The following GABRB1 variants were observed in gnomAD, a reference collection of about 807,000 sequenced individuals.
GABRB1 encodes the protein gamma-aminobutyric acid receptor subunit beta-1.
A neutral mutation model predicts 51.6 loss-of-function variants in GABRB1; 17 were observed. That is an observed-to-expected ratio of 0.33 (90% CI 0.23 to 0.49). The LOEUF (loss-of-function observed/expected upper bound fraction) is 0.49. GABRB1 is among the 20% of genes least tolerant of loss of function. The pLI is 0.99. For synonymous variants in GABRB1, 247 were observed against 218.9 expected, an observed-to-expected ratio of 1.13 and a Z score of -1.14; for missense variants, 410 against 600.6, an observed-to-expected ratio of 0.68 and a Z score of 3.32.
intron 4 of GABRB1, among the ~76,000 whole-genome samples, chr4:47,272,669 T>G (rs979472259): frequency 5.3e-5 from 8 of 152,180 alleles, no homozygotes; most frequent in Admixed American, 3.9e-4. Flanking sequence ...CTCTTATGTT[T>G]TAAGCATGTA....
In GABRB1 at chr4:47,403,385, T is replaced by C; in HGVS notation, c.612T>C (p.Asn204=). The C allele has an allele frequency of 1.2e-6, 2 of 1,614,060 alleles. No homozygotes were observed. The highest frequency in any genetic ancestry group is 1.7e-6 in the Non-Finnish European group (2 of 1,179,926). The change falls in exon 6 of 9, where the codon AAT becomes AAC. Residue 204 remains asparagine, a synonymous_variant. Coordinates refer to ENST00000295454, the MANE Select transcript of GABRB1 (RefSeq NM_000812.4). The part of the protein sequence containing the change: ...NGGEGAVTGV[N]KIELPQFSIV... ...GAGAAGGGGCAGTCACTGGTGTTAA[T>C]AAAATCGAACTTCCTCAATTTTCAA...
chr4:47,004,055 T>A (rs1003113348), intron 1 of GABRB1, among the ~76,000 whole-genome samples: 1 of 152,218 alleles, frequency 6.6e-6, no homozygotes, highest in South Asian at 2.1e-4. Flanking sequence ...AGTGGTGCCA[T>A]CTCGGCTCAT....
At chr4:47,193,286 C>T (rs769710594) in intron 4 of GABRB1, among the ~76,000 whole-genome samples, 2 of 152,154 alleles carry the variant, frequency 1.3e-5, no homozygotes, top group African/African-American at 4.8e-5. Flanking sequence ...CCACACCCAG[C>T]TAATTTTGCA....
intron 3 of GABRB1, among the ~76,000 whole-genome samples, chr4:47,136,966 C>T (rs979395560): frequency 6.6e-6 from 1 of 151,940 alleles, no homozygotes; most frequent in Non-Finnish European, 1.5e-5. Flanking sequence ...CAAGCACCTG[C>T]AAAGAAGTAA....
intron 3 of GABRB1, among the ~76,000 whole-genome samples, chr4:47,041,803 T>G (rs1372478181): frequency 6.6e-6 from 1 of 152,124 alleles, no homozygotes; most frequent in African/African-American, 2.4e-5. Flanking sequence ...GAATCCCACC[T>G]GTGTCTAGAA....
At chr4:47,248,600 G>A (rs932000500) in intron 4 of GABRB1, among the ~76,000 whole-genome samples, 2 of 151,968 alleles carry the variant, frequency 1.3e-5, no homozygotes, top group Non-Finnish European at 2.9e-5. Flanking sequence ...TTCTTTGAAT[G>A]TCTAGTAGAA....
At chr4:47,307,314 G>A (rs952293755) in intron 4 of GABRB1, among the ~76,000 whole-genome samples, 2 of 151,892 alleles carry the variant, frequency 1.3e-5, no homozygotes, top group Non-Finnish European at 2.9e-5. Flanking sequence ...ATTTTGTTTT[G>A]TAGCTTTTAA....
At chr4:47,022,772 C>T (rs1257440880) in intron 1 of GABRB1, among the ~76,000 whole-genome samples, 2 of 151,936 alleles carry the variant, frequency 1.3e-5, no homozygotes, top group African/African-American at 4.8e-5. Flanking sequence ...GAGCTCAATT[C>T]CTCAAACTAA....
chr4:47,237,714 G>T (rs1434176492), intron 4 of GABRB1, among the ~76,000 whole-genome samples: 2 of 151,946 alleles, frequency 1.3e-5, no homozygotes, highest in Admixed American at 1.3e-4. Flanking sequence ...AAAGAAGATA[G>T]ATAGATGATA....
intron 3 of GABRB1, among the ~76,000 whole-genome samples, chr4:47,049,054 A>C (rs1043316940): frequency 1.2e-4 from 12 of 101,204 alleles, no homozygotes; most frequent in African/African-American, 3.1e-4. Flanking sequence ...TCTTTTCATG[A>C]TGAGAAGAGA....
rs114753548 is a variant in GABRB1 at position 47,228,437 on chromosome 4, T to G, written c.461+66968T>G. ...CCTCCAGAATTGAAAGAAAAAAAAATGCTTACCAGGTACTTTCTTCTGTTT... is the reference window on the plus strand; with the variant it reads ...CCTCCAGAATTGAAAGAAAAAAAAAGGCTTACCAGGTACTTTCTTCTGTTT... On this transcript the variant is annotated intron_variant, in intron 4 of 8. Transcript: ENST00000295454. 5.9e-3 allele frequency among the ~76,000 whole-genome samples: 895 copies of G among 151,988 alleles called. 8 individuals carry two copies. The highest frequency in any genetic ancestry group is 8.7e-3 in the Non-Finnish European group (589 of 67,934).
chr4:47,279,263 C>G (rs1723192008), intron 4 of GABRB1, among the ~76,000 whole-genome samples: 2 of 152,070 alleles, frequency 1.3e-5, no homozygotes, highest in African/African-American at 4.8e-5. Flanking sequence ...AATAAACAAA[C>G]AAACAAAATC....
intron 4 of GABRB1, among the ~76,000 whole-genome samples, chr4:47,221,565 A>G (rs1435579391): frequency 6.6e-6 from 1 of 151,932 alleles, no homozygotes; most frequent in Non-Finnish European, 1.5e-5. Flanking sequence ...CTAAAACTAT[A>G]CTAGATGGGA....
chr4:47,377,120 A>G (rs1727411681), intron 5 of GABRB1, among the ~76,000 whole-genome samples: 1 of 152,144 alleles, frequency 6.6e-6, no homozygotes, highest in Non-Finnish European at 1.5e-5. Context: ...GTAGATACGC[A>G]GTGAATGTGT....
intron 4 of GABRB1, among the ~76,000 whole-genome samples, chr4:47,261,074 C>G (rs1195466902): frequency 6.6e-6 from 1 of 152,134 alleles, no homozygotes; most frequent in Non-Finnish European, 1.5e-5. Context: ...CTATCTATGA[C>G]GAACCCACAG....
At chr4:47,193,753 G>A (rs1232964998) in intron 4 of GABRB1, among the ~76,000 whole-genome samples, 1 of 152,098 alleles carries the variant, frequency 6.6e-6, no homozygotes, top group Non-Finnish European at 1.5e-5. Context: ...TGCTAAAAAT[G>A]GAGAAAATGT....
intron 3 of GABRB1, among the ~76,000 whole-genome samples, chr4:47,079,948 T>C (rs921845304): frequency 1.3e-5 from 2 of 151,806 alleles, no homozygotes; most frequent in Non-Finnish European, 2.9e-5. Flanking sequence ...TGTATACATA[T>C]GTAATTAACC....
chr4:47,075,329 G>GATGTATTTGAAATATTATATATACAAATC lies in GABRB1; in HGVS notation c.240+42846_240+42847insTGTATTTGAAATATTATATATACAAATCA, dbSNP rs1727500457. On this transcript the variant is annotated intron_variant, in intron 3 of 8. Coordinates refer to ENST00000295454, the MANE Select transcript of GABRB1 (RefSeq NM_000812.4). ...TTGAAATATTATATATACAAATCAG[G>GATGTATTTGAAATATTATATATACAAATC]AGACATACCGGATGCCGTTACAGTA... is the stretch of plus-strand genomic sequence containing the variant. Among the ~76,000 whole-genome samples the GATGTATTTGAAATATTATATATACAAATC allele has an allele frequency of 2.0e-5, 3 of 152,086 alleles. No homozygotes were observed. In the South Asian group the frequency reaches 6.2e-4, roughly 32 times the overall value.
upstream of GABRB1, among the ~76,000 whole-genome samples, chr4:47,026,884 T>C (rs1288990667): frequency 6.6e-6 from 1 of 152,070 alleles, no homozygotes; most frequent in Non-Finnish European, 1.5e-5. Flanking sequence ...TAGAAAAGAA[T>C]GTAAACTGTC....
Sources: allele counts gnomAD v4.1 joint callset (sites outside exome capture counted in the v4.1 genomes callset), GRCh38; gene constraint gnomAD v4.1.1; transcripts MANE v1.5; gene names NCBI Gene and HGNC (gene_info 2026-07-23, HGNC 2026-07-21).